The following CDKL4 variants were observed in gnomAD, a reference collection of about 807,000 sequenced individuals.
CDKL4 encodes the protein cyclin dependent kinase like 4, also known as cyclin-dependent kinase-like 4.
Under a neutral mutation model 42.0 loss-of-function variants are expected in CDKL4, and 44 were observed. That is an observed-to-expected ratio of 1.05 (90% CI 0.82 to 1.35). CDKL4 has a LOEUF of 1.35. Ranked by LOEUF, CDKL4 falls within the 40% of genes most tolerant of loss-of-function variation. The pLI, the probability that CDKL4 is intolerant of heterozygous loss-of-function variation, is 0.00. For synonymous variants in CDKL4, 120 were observed against 121.6 expected, an observed-to-expected ratio of 0.99 and a Z score of 0.09; for missense variants, 393 against 369.9, an observed-to-expected ratio of 1.06 and a Z score of -0.51.
At chr2:39,239,365 C>A (rs1679534727) in intron 1 of CDKL4, among the ~76,000 whole-genome samples, 1 of 152,024 alleles carries the variant, frequency 6.6e-6, no homozygotes, top group South Asian at 2.1e-4. Flanking sequence ...TGGAATTTAT[C>A]AACATTAAAA....
At position 39,196,642 on chromosome 2, in the gene CDKL4, C is replaced by G. The variant is rs369023685; in HGVS notation, c.455-6140G>C. ...TTTTTTTTTGAGACGGAGTCTTGCT[C>G]TGTCACCTAGGCTGGAGTGCAGTGG... On this transcript the variant is annotated intron_variant, in intron 5 of 9. Coordinates refer to ENST00000451199, the Ensembl canonical transcript of CDKL4. 3.9e-5 allele frequency among the ~76,000 whole-genome samples: 6 copies of G among 152,166 alleles called. No homozygotes were observed. In the East Asian group the frequency reaches 9.7e-4, roughly 25 times the overall value.
chr2:39,223,784 A>G (rs1436086877), intron 3 of CDKL4, among the ~76,000 whole-genome samples: 1 of 151,946 alleles, frequency 6.6e-6, no homozygotes, highest in Non-Finnish European at 1.5e-5. Flanking sequence ...GTTTTTGTAG[A>G]GATGGGTTTC....
At chr2:39,172,027 C>T (rs1675012747), downstream of CDKL4, among the ~76,000 whole-genome samples, 1 of 152,126 alleles carries the variant, frequency 6.6e-6, no homozygotes. Context: ...ATGCATTACA[C>T]AGGCTGGGCA....
intron 6 of CDKL4, among the ~76,000 whole-genome samples, chr2:39,188,485 T>G (rs757109957): frequency 4.6e-4 from 63 of 138,328 alleles, no homozygotes; most frequent in Non-Finnish European, 2.3e-4. Context: ...TCGCTTGAAT[T>G]TGGGAGGCGG....
chr2:39,180,473 C>T (rs142898716), intron 8 of CDKL4, among the ~76,000 whole-genome samples: 10 of 152,292 alleles, frequency 6.6e-5, no homozygotes, highest in African/African-American at 2.4e-4. Flanking sequence ...AGCAGTGTCA[C>T]CTGGCCCTTG....
intron 3 of CDKL4, among the ~76,000 whole-genome samples, chr2:39,214,518 A>G (rs183322510): frequency 7.2e-5 from 11 of 152,342 alleles, no homozygotes; most frequent in East Asian, 5.8e-4. Context: ...AAAGTCTTCA[A>G]TGAATATCTG....
chr2:39,197,799 G>A (rs1318487300), intron 5 of CDKL4, among the ~76,000 whole-genome samples: 1 of 151,388 alleles, frequency 6.6e-6, no homozygotes, highest in African/African-American at 2.5e-5. Context: ...GAGAGAATTT[G>A]CCAATGCCAA....
At chr2:39,176,969 C>G (rs1675191863) in intron 9 of CDKL4, among the ~76,000 whole-genome samples, 1 of 152,114 alleles carries the variant, frequency 6.6e-6, no homozygotes, top group East Asian at 1.9e-4. Context: ...GGGCACCTCA[C>G]TTGAAGGAGA....
At chr2:39,219,093 T>C (rs964209770) in intron 3 of CDKL4, among the ~76,000 whole-genome samples, 1 of 152,236 alleles carries the variant, frequency 6.6e-6, no homozygotes, top group Admixed American at 6.5e-5. Flanking sequence ...TCCGTTATTA[T>C]AGCCCCAGCA....
At chr2:39,216,025 A>G (rs994392155) in intron 3 of CDKL4, among the ~76,000 whole-genome samples, 1 of 152,236 alleles carries the variant, frequency 6.6e-6, no homozygotes, top group East Asian at 1.9e-4. Flanking sequence ...CAGGAAGAAT[A>G]GTATAGCCAT....
intron 9 of CDKL4, among the ~76,000 whole-genome samples, chr2:39,178,312 AGACGAAT>A (rs1675252813): frequency 1.3e-5 from 2 of 152,246 alleles, no homozygotes; most frequent in South Asian, 4.1e-4. Flanking sequence ...GCTAATGAGA[AGACGAAT>A]GACTGAAAAT....
intron 4 of CDKL4, among the ~76,000 whole-genome samples, chr2:39,211,816 C>T (rs1215649449): frequency 6.6e-6 from 1 of 151,958 alleles, no homozygotes; most frequent in African/African-American, 2.4e-5. Flanking sequence ...GCCCACTCAT[C>T]AATTTTAACA....
At chr2:39,228,761 C>T (rs562116125) in intron 2 of CDKL4, among the ~76,000 whole-genome samples, 1 of 152,254 alleles carries the variant, frequency 6.6e-6, no homozygotes, top group Non-Finnish European at 1.5e-5. Flanking sequence ...AGAAGCATCT[C>T]TACGGTCGCT....
intron 5 of CDKL4, among the ~76,000 whole-genome samples, chr2:39,200,174 T>G (rs1337519002): frequency 6.6e-6 from 1 of 152,094 alleles, no homozygotes; most frequent in Non-Finnish European, 1.5e-5. Context: ...CATAAATCAG[T>G]AGCCCCGCTA....
rs192602048 is a variant in CDKL4 at position 39,212,513 on chromosome 2, G to A, written c.363+887C>T. Among the ~76,000 whole-genome samples, 715 of 150,904 alleles carry A rather than the reference G, an allele frequency of 4.7e-3. 9 individuals are homozygous for A. Among genetic ancestry groups the A allele is most frequent in the African/African-American group, 0.017 (688 of 41,106 alleles). On this transcript the variant is annotated intron_variant, in intron 4 of 9. Coordinates refer to ENST00000451199, the Ensembl canonical transcript of CDKL4. The stretch of plus-strand genomic sequence containing the variant: ...CTCCCAAAGTGCTGGGATTACAGGC[G>A]TGAGCCACCATGCCCGGCCGGAAAC...
At chr2:39,188,029 CT>C (rs1314795765) in intron 6 of CDKL4, among the ~76,000 whole-genome samples, 1 of 152,060 alleles carries the variant, frequency 6.6e-6, no homozygotes, top group Admixed American at 6.5e-5. Context: ...GATCATGCCA[CT>C]GCACTCCAGC....
At chr2:39,176,050 G>C (rs1278479845) in exon 10 of CDKL4, 1 of 470,926 alleles carries the variant, frequency 2.1e-6, no homozygotes, top group Non-Finnish European at 4.4e-6. Flanking sequence ...TCTTCCATCA[G>C]GTGTGGGGGA....
rs115011485 is a variant in CDKL4, at chr2:39,190,139, T to C, written c.652+166A>G. On this transcript the variant is annotated intron_variant, in intron 6 of 9. Transcript: ENST00000451199. ...ACGGTTCTGCATGTTTAGAAAAGGA[T>C]TGGGCTTTGGCTACAACCCAGAACT... Among the ~76,000 whole-genome samples the C allele has an allele frequency of 6.9e-3, 1,051 of 152,318 alleles. 11 individuals are homozygous for C. The highest frequency in any genetic ancestry group is 0.023 in the African/African-American group (970 of 41,564).
chr2:39,233,860 G>A (rs1679217217), intron 1 of CDKL4, among the ~76,000 whole-genome samples: 1 of 146,048 alleles, frequency 6.8e-6, no homozygotes, highest in Non-Finnish European at 1.5e-5. Flanking sequence ...ATCACAAGTG[G>A]ACAAAAATTA....
Sources: gnomAD v4.1 joint callset for allele counts (sites outside exome capture counted in the v4.1 genomes callset) on GRCh38, gnomAD v4.1.1 for gene constraint, MANE v1.5 for transcripts, NCBI Gene and HGNC (gene_info 2026-07-23, HGNC 2026-07-21) for gene names.